Variants in DRC9 observed in about 807,000 individuals in gnomAD.
DRC9 encodes dynein regulatory complex subunit 9.
the DRC9 span, among the ~76,000 whole-genome samples, chr3:197,896,317 T>G: frequency 2.0e-5 from 3 of 151,720 alleles, no homozygotes; most frequent in Non-Finnish European, 4.4e-5. Context: ...CACTCCAGCC[T>G]GGGCAACAAG....
chr3:197,940,500 AT>A, the DRC9 span, among the ~76,000 whole-genome samples: 1 of 152,140 alleles, frequency 6.6e-6, no homozygotes, highest in African/African-American at 2.4e-5. Flanking sequence ...TCATTTCATA[AT>A]TCTAATACAT....
the DRC9 span, chr3:197,954,579 A>G: frequency 3.8e-6 from 1 of 264,518 alleles, no homozygotes; most frequent in Non-Finnish European, 7.4e-6. Context: ...GCATGATCTC[A>G]GCTTGCTGCT....
At chr3:197,910,876 G>A in the DRC9 span, among the ~76,000 whole-genome samples, 1 of 151,846 alleles carries the variant, frequency 6.6e-6, no homozygotes, top group African/African-American at 2.4e-5. Context: ...GGAGGCTGAG[G>A]CAGGCGAATC....
the DRC9 span, among the ~76,000 whole-genome samples, chr3:197,917,697 C>T: frequency 6.6e-6 from 1 of 151,220 alleles, no homozygotes; most frequent in Non-Finnish European, 1.5e-5. Flanking sequence ...TTTCTATACG[C>T]ACTTCCCTTC....
chr3:197,902,419 T>C, the DRC9 span, among the ~76,000 whole-genome samples: 4 of 152,022 alleles, frequency 2.6e-5, no homozygotes, highest in African/African-American at 7.2e-5. Flanking sequence ...ATGTGACGTT[T>C]TAGACAGAGA....
chr3:197,959,940 T>C, the DRC9 span: 1 of 491,148 alleles, frequency 2.0e-6, no homozygotes, highest in African/African-American at 1.9e-5. Flanking sequence ...CTTTGGTAAA[T>C]GAAAGAACTG....
chr3:197,954,979 C>G, the DRC9 span, among the ~76,000 whole-genome samples: 1 of 152,150 alleles, frequency 6.6e-6, no homozygotes, highest in Non-Finnish European at 1.5e-5. Context: ...AGAAAACAGA[C>G]TCTCATGTTC....
chr3:197,900,189 C>T, the DRC9 span, among the ~76,000 whole-genome samples: 17 of 152,312 alleles, frequency 1.1e-4, no homozygotes, highest in East Asian at 3.1e-3. The surrounding 1 kb of genome is among the most constrained non-coding windows in gnomAD (Gnocchi z 4.7). Flanking sequence ...GAAAGGCGGT[C>T]TAGGCCAGGA....
chr3:197,895,524 C>T, the DRC9 span, among the ~76,000 whole-genome samples: 2 of 152,112 alleles, frequency 1.3e-5, no homozygotes, highest in Non-Finnish European at 2.9e-5. Flanking sequence ...CTTCAGCCTC[C>T]CAAATTGCTG....
At chr3:197,950,180 G>T in the DRC9 span, 29 of 1,231,602 alleles carry the variant, frequency 2.4e-5, no homozygotes, top group African/African-American at 4.5e-4. Context: ...CCACGCGGCG[G>T]GGCCTCGTCC....
the DRC9 span, among the ~76,000 whole-genome samples, chr3:197,898,542 C>G: frequency 6.6e-6 from 1 of 152,180 alleles, no homozygotes; most frequent in Non-Finnish European, 1.5e-5. Context: ...TTAGTCTGTT[C>G]TCATACTGCT....
At chr3:197,951,967 T>C in the DRC9 span, among the ~76,000 whole-genome samples, 1 of 152,110 alleles carries the variant, frequency 6.6e-6, no homozygotes, top group Non-Finnish European at 1.5e-5. Context: ...AATGGGGAGT[T>C]TTAGAAGGAC....
At chr3:197,938,262 C>A in the DRC9 span, among the ~76,000 whole-genome samples, 7 of 150,186 alleles carry the variant, frequency 4.7e-5, no homozygotes, top group Admixed American at 2.0e-4. Context: ...GGCTGCACTG[C>A]GCCGAGATCA....
chr3:197,950,535 C>T, the DRC9 span: 1 of 316,524 alleles, frequency 3.2e-6, no homozygotes, highest in Non-Finnish European at 5.7e-6. Flanking sequence ...TCCATACCTT[C>T]CTTGGCTTGT....
chr3:197,904,023 CAT>C, the DRC9 span, among the ~76,000 whole-genome samples: 3,000 of 96,098 alleles, frequency 0.031, 126 homozygotes, highest in African/African-American at 0.13. Context: ...TATATACATA[CAT>C]ATATATATAC....
chr3:197,890,329 C>T, the DRC9 span, among the ~76,000 whole-genome samples: 304 of 151,574 alleles, frequency 2.0e-3, no homozygotes, highest in African/African-American at 7.0e-3. Context: ...CTCTTGAGCC[C>T]GGGAAGCAGA....
chr3:197,893,288 C>T, the DRC9 span, among the ~76,000 whole-genome samples: 22 of 129,252 alleles, frequency 1.7e-4, no homozygotes, highest in African/African-American at 2.2e-4. Flanking sequence ...ACCCAGGAGG[C>T]GGAGGTTGCG....
the DRC9 span, chr3:197,951,111 T>G: frequency 6.2e-7 from 1 of 1,613,236 alleles, no homozygotes; most frequent in Non-Finnish European, 8.5e-7. Flanking sequence ...CAAGTCAGAT[T>G]GGTTTTTTGA....
chr3:197,925,494 G>A, the DRC9 span, among the ~76,000 whole-genome samples: 55 of 151,936 alleles, frequency 3.6e-4, no homozygotes, highest in African/African-American at 1.3e-3. Context: ...GGGAACTAAG[G>A]GCTCCAGGGG....
Sources: gnomAD v4.1 joint callset for allele counts (sites outside exome capture counted in the v4.1 genomes callset) on GRCh38, gnomAD v4.1.1 for gene constraint, Gnocchi (gnomAD v3.1) non-coding constraint, MANE v1.5 for transcripts, NCBI Gene and HGNC (gene_info 2026-07-23, HGNC 2026-07-21) for gene names.